The following NREP variants were observed in gnomAD, a reference collection of about 807,000 sequenced individuals.
The protein encoded by NREP is neuronal regeneration related protein, also known as neuronal regeneration-related protein.
NREP carries 5 observed loss-of-function variants against 8.6 expected under a neutral mutation model. That is an observed-to-expected ratio of 0.58 (90% confidence interval 0.30 to 1.22). The LOEUF is 1.22. Ranked by LOEUF, NREP falls within the 50% of genes most tolerant of loss-of-function variation. NREP has a pLI of 0.07. For missense variants in NREP, 86 were observed against 82.5 expected (o/e 1.04, Z -0.17); for synonymous variants, 27 against 28.0 (o/e 0.96, Z 0.11).
chr5:111,737,441 C>A (rs1024473443), intron 2 of NREP, among the ~76,000 whole-genome samples: 1 of 152,136 alleles, frequency 6.6e-6, no homozygotes, highest in Non-Finnish European at 1.5e-5. Context: ...AAATTAAGTT[C>A]TGTTGGAAAC....
chr5:111,942,332 C>T (rs1288240966), intron 2 of NREP, among the ~76,000 whole-genome samples: 1 of 151,950 alleles, frequency 6.6e-6, no homozygotes, highest in African/African-American at 2.4e-5. Context: ...ATGAGAGTCG[C>T]CTTTCCATCT....
rs183179607 is a variant in NREP at position 111,769,579 on chromosome 5, G to C, written c.136-34072C>G. On this transcript the variant is annotated intron_variant, in intron 2 of 3. Coordinates refer to the NREP transcript ENST00000395634. The stretch of plus-strand genomic sequence containing the variant: ...TCATCTGTCTTCATACTGCTGTAAA[G>C]ATACACCTGAGACTGCGAAATTTAT... 1.3e-3 allele frequency among the ~76,000 whole-genome samples: 205 copies of C among 152,280 alleles called. 1 individual carries two copies. Among genetic ancestry groups the C allele is most frequent in the African/African-American group, 4.7e-3 (196 of 41,564 alleles).
At position 111,749,592 on chromosome 5, in the gene NREP, T is replaced by C. The variant is rs1011129905; in HGVS notation, c.3+6178A>G. Among the ~76,000 whole-genome samples, 5 of 152,300 alleles carry C rather than the reference T, an allele frequency of 3.3e-5. No individual in the cohort carries two copies. In the East Asian group the frequency reaches 9.6e-4, roughly 29 times the overall value. ...GTGATGACATAAGCGTTGGCTTACA[T>C]TTTCAATAAGTATGGTTAATCGGGA... On this transcript the variant is annotated intron_variant, in intron 2 of 3. Coordinates refer to ENST00000257435, the MANE Select transcript of NREP (RefSeq NM_004772.4).
intron 2 of NREP, among the ~76,000 whole-genome samples, chr5:111,830,515 T>A (rs1208630137): frequency 6.6e-6 from 1 of 152,230 alleles, no homozygotes. Context: ...TCTTCTGATA[T>A]AAAGAATCAA....
intron 2 of NREP, among the ~76,000 whole-genome samples, chr5:111,861,966 T>A (rs1753553759): frequency 1.3e-5 from 2 of 152,186 alleles, no homozygotes; most frequent in South Asian, 4.1e-4. Flanking sequence ...CTTATTTACC[T>A]TTTTAACATA....
chr5:111,958,814 T>C (rs1295531615), intron 2 of NREP, among the ~76,000 whole-genome samples: 1 of 151,894 alleles, frequency 6.6e-6, no homozygotes, highest in African/African-American at 2.4e-5. Context: ...TTTATAAAGC[T>C]GTATGAATAT....
chr5:111,899,895 T>C (rs1754601466), intron 2 of NREP, among the ~76,000 whole-genome samples: 1 of 152,204 alleles, frequency 6.6e-6, no homozygotes, highest in Admixed American at 6.5e-5. Context: ...CTTTCAGTAT[T>C]GGACAGATCA....
At chr5:111,938,026 C>T (rs1195301958) in intron 2 of NREP, among the ~76,000 whole-genome samples, 1 of 152,070 alleles carries the variant, frequency 6.6e-6, no homozygotes, top group East Asian at 1.9e-4. Flanking sequence ...GTGTCTGCCT[C>T]TCTGCCTTGA....
chr5:111,754,114 C>T (rs1051255879), intron 2 of NREP, among the ~76,000 whole-genome samples: 4 of 152,100 alleles, frequency 2.6e-5, no homozygotes, highest in African/African-American at 7.2e-5. Context: ...GAGTAAAAAT[C>T]CTTCCAGGAG....
At chr5:111,806,642 T>C (rs754953704) in intron 2 of NREP, among the ~76,000 whole-genome samples, 1 of 152,220 alleles carries the variant, frequency 6.6e-6, no homozygotes, top group South Asian at 2.1e-4. Context: ...GAGAAAGATA[T>C]TAAGCATCGA....
intron 2 of NREP, among the ~76,000 whole-genome samples, chr5:111,911,243 G>A (rs1353131739): frequency 6.6e-6 from 1 of 152,116 alleles, no homozygotes; most frequent in African/African-American, 2.4e-5. Flanking sequence ...TGCATCCAGA[G>A]TTCTGGATAT....
In NREP at chr5:111,737,146, G is replaced by A. The variant is rs568438436; in HGVS notation, c.4-1639C>T. ...TCCTCTCCTGTGCCCAGCTCCTTCA[G>A]AAAGTAATCCACCATCTGCCTTGTT... is the stretch of plus-strand genomic sequence containing the variant. On this transcript the variant is annotated intron_variant, in intron 2 of 3. Coordinates refer to ENST00000257435, the MANE Select transcript of NREP (RefSeq NM_004772.4). 4.8e-4 allele frequency among the ~76,000 whole-genome samples: 73 copies of A among 152,280 alleles called. 1 individual carries two copies. The highest frequency in any genetic ancestry group is 1.5e-3 in the African/African-American group (61 of 41,558).
intron 2 of NREP, among the ~76,000 whole-genome samples, chr5:111,840,796 A>G (rs1456613693): frequency 6.6e-6 from 1 of 152,310 alleles, no homozygotes; most frequent in South Asian, 2.1e-4. Flanking sequence ...AATAGTAAAG[A>G]TGTTGACAGG....
At chr5:111,878,439 A>G (rs531635283) in intron 2 of NREP, among the ~76,000 whole-genome samples, 1 of 152,262 alleles carries the variant, frequency 6.6e-6, no homozygotes, top group South Asian at 2.1e-4. Flanking sequence ...ATACCTCATG[A>G]AAACTCACTC....
intron 2 of NREP, among the ~76,000 whole-genome samples, chr5:111,839,986 A>T (rs1310467558): frequency 2.6e-5 from 4 of 152,082 alleles, no homozygotes; most frequent in Admixed American, 2.6e-4. Context: ...ATTGCTAACA[A>T]CATCCTGATC....
intron 2 of NREP, among the ~76,000 whole-genome samples, chr5:111,952,935 G>A (rs1054379192): frequency 1.3e-5 from 2 of 152,066 alleles, no homozygotes; most frequent in African/African-American, 2.4e-5. Context: ...TACCTTGCTT[G>A]TACTGTTTTT....
intron 2 of NREP, among the ~76,000 whole-genome samples, chr5:111,964,829 T>C (rs1446964527): frequency 6.3e-5 from 7 of 111,268 alleles, no homozygotes; most frequent in African/African-American, 1.0e-4. Context: ...AAGGTGCACA[T>C]AGTCTACTTA....
intron 2 of NREP, among the ~76,000 whole-genome samples, chr5:111,836,283 TA>T (rs1561686574): frequency 6.6e-6 from 1 of 152,002 alleles, no homozygotes; most frequent in African/African-American, 2.4e-5. Flanking sequence ...ATTATTAGAA[TA>T]GAAAGGGAAA....
chr5:111,866,696 G>A (rs1384827589), intron 2 of NREP, among the ~76,000 whole-genome samples: 6 of 152,218 alleles, frequency 3.9e-5, no homozygotes, highest in South Asian at 4.2e-4. Flanking sequence ...ACATGCACAC[G>A]TATGTTTATT....
Sources: gnomAD v4.1 joint callset for allele counts (sites outside exome capture counted in the v4.1 genomes callset) on GRCh38, gnomAD v4.1.1 for gene constraint, MANE v1.5 for transcripts, NCBI Gene and HGNC (gene_info 2026-07-23, HGNC 2026-07-21) for gene names.